Variants in STAG1 observed in about 807,000 individuals in gnomAD.
STAG1 encodes the protein cohesin subunit SA-1.
Under a neutral mutation model 170.9 loss-of-function variants are expected in STAG1, and 26 were observed. The observed-to-expected ratio is 0.15, with a 90% CI of 0.11 to 0.21. STAG1 has a LOEUF of 0.21. Ranked by LOEUF, STAG1 falls within the 10% of genes least tolerant of loss-of-function variation. The probability of loss-of-function intolerance (pLI) is 1.00; values close to 1 mark genes in which losing one functional copy is unlikely to be tolerated. For missense variants in STAG1, 964 were observed against 1,509.5 expected, an observed-to-expected ratio of 0.64 and a Z score of 5.99; for synonymous variants, 514 against 497.7, an observed-to-expected ratio of 1.03 and a Z score of -0.44.
intron 13 of STAG1, among the ~76,000 whole-genome samples, chr3:136,460,285 A>G (rs1449744361): frequency 6.6e-6 from 1 of 152,196 alleles, no homozygotes; most frequent in East Asian, 1.9e-4. Context: ...GACACATACA[A>G]CCTAACATAA....
chr3:136,550,272 G>C (rs1695982242), intron 5 of STAG1, among the ~76,000 whole-genome samples: 1 of 150,644 alleles, frequency 6.6e-6, no homozygotes, highest in Admixed American at 6.6e-5. Context: ...ACTTTTCTTT[G>C]TTCTCCTAAT....
intron 13 of STAG1, among the ~76,000 whole-genome samples, chr3:136,459,230 A>AAAAAG (rs1553725121): frequency 6.6e-6 from 1 of 150,754 alleles, no homozygotes; most frequent in East Asian, 1.9e-4. Flanking sequence ...GAAAAAAAAA[A>AAAAAG]AAAAAAGAAA....
intron 1 of STAG1, among the ~76,000 whole-genome samples, chr3:136,713,439 C>T (rs867683390): frequency 5.9e-5 from 9 of 151,834 alleles, no homozygotes; most frequent in East Asian, 1.9e-4. Flanking sequence ...AACAATTAGC[C>T]GGGCGTGGTG....
intron 3 of STAG1, among the ~76,000 whole-genome samples, chr3:136,612,589 A>C (rs1462617364): frequency 6.6e-6 from 1 of 152,246 alleles, no homozygotes; most frequent in Non-Finnish European, 1.5e-5. Context: ...GCTATGCAGA[A>C]GGATGGCTTG....
At chr3:136,465,105 TC>T (rs2089414824) in intron 12 of STAG1, 117 bp from the exon 13 acceptor site, 4 of 612,578 alleles carry the variant, frequency 6.5e-6, no homozygotes, top group Middle Eastern at 5.7e-4. Context: ...TGTTGTCTCA[TC>T]TTTTATCTTA....
intron 1 of STAG1, among the ~76,000 whole-genome samples, chr3:136,652,768 T>G (rs758940864): frequency 6.6e-6 from 1 of 152,108 alleles, no homozygotes; most frequent in Middle Eastern, 3.2e-3. Context: ...TAAACTCCAT[T>G]CAAAATGGCA....
intron 22 of STAG1, 91 bp from the exon 23 acceptor site, chr3:136,377,843 G>T: frequency 3.8e-6 from 4 of 1,052,078 alleles, no homozygotes; most frequent in Non-Finnish European, 4.4e-6. Flanking sequence ...AGCAAAACTG[G>T]TTTATTCTCA....
At chr3:136,744,155 C>T (rs1279613894) in intron 1 of STAG1, among the ~76,000 whole-genome samples, 1 of 152,172 alleles carries the variant, frequency 6.6e-6, no homozygotes, top group East Asian at 1.9e-4. Context: ...TAGAGAAACC[C>T]CGTCTCTACT....
At chr3:136,621,665 C>G (rs193273260) in intron 3 of STAG1, among the ~76,000 whole-genome samples, 239 of 152,168 alleles carry the variant, frequency 1.6e-3, no homozygotes, top group African/African-American at 5.5e-3. Context: ...TAGCAAAATA[C>G]AAGAAGTCTT....
intron 20 of STAG1, among the ~76,000 whole-genome samples, chr3:136,420,240 C>G (rs1165287551): frequency 9.3e-6 from 1 of 106,986 alleles, no homozygotes; most frequent in Non-Finnish European, 1.8e-5. Context: ...GAGTGAGACT[C>G]TGTCAAAAAA....
chr3:136,527,358 G>A (rs904699023), intron 6 of STAG1, among the ~76,000 whole-genome samples: 6 of 152,110 alleles, frequency 3.9e-5, no homozygotes, highest in East Asian at 1.9e-4. Flanking sequence ...TTCAATCACC[G>A]ATACCCTTTC....
intron 15 of STAG1, among the ~76,000 whole-genome samples, chr3:136,434,172 A>G (rs1408718572): frequency 6.6e-6 from 1 of 152,126 alleles, no homozygotes; most frequent in African/African-American, 2.4e-5. Flanking sequence ...AAACATCATT[A>G]ATAGATATAT....
chr3:136,517,007 C>T (rs529624863), intron 7 of STAG1, among the ~76,000 whole-genome samples: 1 of 152,294 alleles, frequency 6.6e-6, no homozygotes, highest in African/African-American at 2.4e-5. Flanking sequence ...AGCCTCTGAT[C>T]ATAAATTAAA....
At chr3:136,413,646 C>T (rs1317524348) in intron 21 of STAG1, among the ~76,000 whole-genome samples, 3 of 151,836 alleles carry the variant, frequency 2.0e-5, no homozygotes, top group Non-Finnish European at 4.4e-5. Flanking sequence ...TTAGTAGAGG[C>T]AGCATTTTGC....
At chr3:136,361,016 A>G (rs926304022) in intron 26 of STAG1, among the ~76,000 whole-genome samples, 2 of 152,230 alleles carry the variant, frequency 1.3e-5, no homozygotes, top group Non-Finnish European at 2.9e-5. Context: ...AAACTTTAAA[A>G]CTTAAAGTGT....
chr3:136,555,062 C>G (rs567341220), intron 5 of STAG1, among the ~76,000 whole-genome samples: 11 of 148,764 alleles, frequency 7.4e-5, no homozygotes, highest in African/African-American at 2.7e-4. Context: ...TATGCACACA[C>G]GCACTCAGGC....
At chr3:136,430,548 T>C (rs1033966062) in intron 16 of STAG1, among the ~76,000 whole-genome samples, 5 of 151,562 alleles carry the variant, frequency 3.3e-5, no homozygotes, top group East Asian at 1.9e-4. Flanking sequence ...ATTTTTTGGC[T>C]TCCCTGGGCC....
chr3:136,421,209 A>G, intron 19 of STAG1, 46 bp from the exon 20 acceptor site: 1 of 1,280,428 alleles, frequency 7.8e-7, no homozygotes, highest in Admixed American at 2.1e-5. Context: ...TACTCACCTT[A>G]TAGTATATTA....
In STAG1 at chr3:136,473,578, T is replaced by C. The variant is rs2089675763; in HGVS notation, c.1086A>G (p.Glu362=). 3 of 1,612,418 alleles carry C rather than the reference T, an allele frequency of 1.9e-6. No homozygotes were observed. Among genetic ancestry groups the C allele is most frequent in the Admixed American group, 3.3e-5 (2 of 59,836 alleles). The change falls in exon 11 of 34, where the codon GAA becomes GAG. Residue 362 remains glutamate (E), a synonymous_variant. Coordinates refer to ENST00000383202, the MANE Select transcript of STAG1 (RefSeq NM_005862.3). ...KALQSLYTNR[E]LFPKLELFTN... ...TGAATAGTTCCAATTTGGGGAATAATTCTCTATTGGTATATAGACTCTGCA... is the reference window on the plus strand; with the variant it reads ...TGAATAGTTCCAATTTGGGGAATAACTCTCTATTGGTATATAGACTCTGCA...
Sources: allele counts gnomAD v4.1 joint callset (sites outside exome capture counted in the v4.1 genomes callset), GRCh38; gene constraint gnomAD v4.1.1; transcripts MANE v1.5; gene names NCBI Gene and HGNC (gene_info 2026-07-23, HGNC 2026-07-21).